CLEC4F: variants seen among roughly 807,000 people sequenced by gnomAD.
The protein encoded by CLEC4F is C-type (calcium dependent, carbohydrate-recognition domain) lectin, superfamily member 13.
In CLEC4F, 45 loss-of-function variants were observed where a neutral mutation model predicts 53.4. The observed-to-expected ratio is 0.84, with a 90% CI of 0.66 to 1.08. The LOEUF is 1.08. Among genes scored for constraint, CLEC4F ranks in the 50% least tolerant of loss-of-function variants. CLEC4F has a pLI of 0.00. For missense variants in CLEC4F, 753 were observed against 698.2 expected (o/e 1.08, Z -0.88); for synonymous variants, 245 against 257.5 (o/e 0.95, Z 0.46).
rs113628344 is a variant in CLEC4F at position 70,817,179 on chromosome 2, C to A, written c.269-67G>T. On this transcript the variant is annotated intron_variant, in intron 3 of 6. Transcript: ENST00000272367. ...ATGTAGGGTAGCATTTTATGGGCCA[C>A]CCAGAGTGTTTCTAACATTTCCAAG... 6,327 of 1,489,528 alleles carry A rather than the reference C, an allele frequency of 4.2e-3. 214 individuals carry two copies. The African/African-American group carries it at 0.075, about 18-fold the overall frequency. The allele number at this position is 1,489,528 out of a possible 1,614,324, so 92.3% of individuals were successfully genotyped here.
intron 4 of CLEC4F, among the ~76,000 whole-genome samples, chr2:70,813,597 C>CTCTCTCTT (rs1676710119): frequency 1.9e-5 from 2 of 106,276 alleles, no homozygotes; most frequent in African/African-American, 3.8e-5. Context: ...CTCTTTCTTT[C>CTCTCTCTT]TCTTTCTTTC....
At chr2:70,822,227 G>A (rs1677244102), upstream of CLEC4F, among the ~76,000 whole-genome samples, 1 of 152,204 alleles carries the variant, frequency 6.6e-6, no homozygotes, top group Non-Finnish European at 1.5e-5. Flanking sequence ...TGCCCAGCGG[G>A]TGTCAGAGAA....
chr2:70,813,597 C>CTCTTTCTT (rs370418600), intron 4 of CLEC4F, among the ~76,000 whole-genome samples: 16,119 of 106,134 alleles, frequency 0.15, 1,551 homozygotes, highest in East Asian at 0.2. Flanking sequence ...CTCTTTCTTT[C>CTCTTTCTT]TCTTTCTTTC....
In CLEC4F at chr2:70,810,926, C is replaced by T. The variant is rs1326428235; in HGVS notation, c.1540-1069G>A. 4.7e-5 allele frequency: 25 copies of T among 534,288 alleles called. No homozygotes were observed. The African/African-American group carries it at 4.9e-4, about 10-fold the overall frequency. The allele number at this position is 534,288 out of a possible 1,614,324, so 33.1% of individuals were successfully genotyped here. On this transcript the variant is annotated intron_variant, in intron 5 of 6. Coordinates refer to ENST00000272367, the MANE Select transcript of CLEC4F (RefSeq NM_173535.3). Reference sequence around the variant, plus strand: ...ATAAACCAATGGCACAAAAATGTTTCATTTTCATATTCATCAAATATCTGC... The same window carrying T: ...ATAAACCAATGGCACAAAAATGTTTTATTTTCATATTCATCAAATATCTGC...
Position 70,812,432 on chromosome 2 carries a change from G to A in CLEC4F, c.1539+15C>T. Reference sequence around the variant, plus strand: ...ACCAATTCCACCAACAACACCCCATGCTCGCAGCTCTGACCTGCTCCTCCT... The same window carrying A: ...ACCAATTCCACCAACAACACCCCATACTCGCAGCTCTGACCTGCTCCTCCT... On this transcript the variant is annotated intron_variant, in intron 5 of 6. Coordinates refer to ENST00000272367, the MANE Select transcript of CLEC4F (RefSeq NM_173535.3). The A allele has an allele frequency of 1.9e-6, 3 of 1,612,354 alleles. No individual in the cohort carries two copies. Among genetic ancestry groups the A allele is most frequent in the South Asian group, 1.1e-5 (1 of 90,724 alleles).
chr2:70,810,654 T>G (rs1438604297), intron 5 of CLEC4F: 1 of 181,400 alleles, frequency 5.5e-6, no homozygotes, highest in Non-Finnish European at 1.1e-5. Flanking sequence ...ATTTCCCATT[T>G]TAAAAGGCAA....
chr2:70,820,364 A>G lies in CLEC4F; in HGVS notation c.61+99T>C, dbSNP rs372190678. ...CATCCCCAAGGACAAGGGTCTGGGG[A>G]GAGCAATAAGACAGCAATAAGCTGC... On this transcript the variant is annotated intron_variant, in intron 1 of 6. Coordinates refer to ENST00000272367, the MANE Select transcript of CLEC4F (RefSeq NM_173535.3). 9.5e-6 allele frequency: 10 copies of G among 1,052,304 alleles called. No individual in the cohort carries two copies. The African/African-American group carries it at 1.4e-4, about 15-fold the overall frequency. The allele number at this position is 1,052,304 out of a possible 1,614,324, so 65.2% of individuals were successfully genotyped here. A position where few individuals can be genotyped will look rare whatever the true frequency, so the allele number is the denominator to read the frequency against.
intron 3 of CLEC4F, 100 bp from the exon 4 acceptor site, chr2:70,817,212 G>A (rs1301414639): frequency 4.0e-6 from 5 of 1,257,084 alleles, no homozygotes; most frequent in African/African-American, 1.5e-5. Context: ...AAGGGAAATG[G>A]GTACTGCACA....
rs914984471 is a variant in CLEC4F, at chr2:70,816,033, C to G, written c.1348G>C (p.Val450Leu). The change falls in exon 4 of 7, where the codon GTG (valine) becomes CTG (leucine). Residue 450 changes from valine to leucine, a missense_variant. Physicochemically the swap from Val to Leu is conservative, Grantham distance 32. Coordinates refer to ENST00000272367, the MANE Select transcript of CLEC4F (RefSeq NM_173535.3). ...AGCTGTTCCTGTGAAGTAATGACCA[C>G]ATGGAGGGTCTTCAGGCGACTCTGC... Reference protein sequence around the residue: ...QEQSRLKTLHVVITSQEQLQR... With the variant: ...QEQSRLKTLHLVITSQEQLQR... 6.2e-7 allele frequency: 1 copy of G among 1,614,186 alleles called. No individual in the cohort carries two copies. The highest frequency in any genetic ancestry group is 8.5e-7 in the Non-Finnish European group (1 of 1,180,030).
chr2:70,813,587 C>T (rs373523629), intron 4 of CLEC4F, among the ~76,000 whole-genome samples: 5,205 of 59,970 alleles, frequency 0.087, 142 homozygotes, highest in Middle Eastern at 0.15. Context: ...TTCTTTCTCT[C>T]TCTTTCTTTC....
rs200228677 is a variant in CLEC4F at position 70,817,116 on chromosome 2, G to A, written c.269-4C>T. The A allele has an allele frequency of 1.3e-4, 205 of 1,602,094 alleles. No individual in the cohort carries two copies. The Middle Eastern group carries it at 1.5e-3, about 12-fold the overall frequency. ...TCCCTGCCAAAGTGGTGATGATCTG[G>A]AGGGAGGAAGTGAAGAAGGCAGCCA... On this transcript the variant is annotated splice_region_variant and splice_polypyrimidine_tract_variant and intron_variant, in intron 3 of 6. Transcript: ENST00000272367.
At chr2:70,819,688 G>T in intron 2 of CLEC4F, 87 bp downstream of exon 2, 1 of 944,316 alleles carries the variant, frequency 1.1e-6, no homozygotes, top group Non-Finnish European at 1.7e-6. Flanking sequence ...GAGCAGAGAG[G>T]CCCAGAGAGT....
At chr2:70,813,571 TTCTTTTTCTTTCTCTCTCTTTCTTTC>T (rs1283015763) in intron 4 of CLEC4F, among the ~76,000 whole-genome samples, 39 of 143,002 alleles carry the variant, frequency 2.7e-4, no homozygotes, top group Non-Finnish European at 4.8e-4. Context: ...TTCTTTCTCT[TTCTTTTTCTTTCTCTCTCTTTCTTTC>T]TCTTTCTTTC....
chr2:70,820,380 A>C, intron 1 of CLEC4F, 83 bp downstream of exon 1: 2 of 1,258,564 alleles, frequency 1.6e-6, no homozygotes, highest in Non-Finnish European at 1.1e-6. Context: ...ATAAGACAGC[A>C]ATAAGCTGCC....
Position 70,816,105 on chromosome 2 carries a change from C to T in CLEC4F, c.1276G>A (p.Gly426Arg). ...AGAGCTTTGGTGTTCTCTAGATCCC[C>T]TCTTAACCTCTGGATCTCGGCACTG... Reference protein sequence around the residue: ...KASAEIQRLRGDLENTKALTM... With the variant: ...KASAEIQRLRRDLENTKALTM... The change falls in exon 4 of 7, where the codon GGG becomes AGG. Residue 426 changes from glycine (G) to arginine (R), a missense_variant. By Grantham distance (125) the Gly-to-Arg change is moderately radical. Coordinates refer to ENST00000272367, the MANE Select transcript of CLEC4F (RefSeq NM_173535.3). The T allele has an allele frequency of 6.2e-7, 1 of 1,614,204 alleles. No homozygotes were observed.
intron 5 of CLEC4F, among the ~76,000 whole-genome samples, chr2:70,810,618 C>CAA (rs58138583): frequency 0.024 from 1,167 of 48,194 alleles, 88 homozygotes; most frequent in Non-Finnish European, 0.041. Context: ...AACTCTGTCG[C>CAA]AAAAAAAAAA....
chr2:70,814,836 A>AT (rs1345435414), intron 4 of CLEC4F, among the ~76,000 whole-genome samples: 1 of 84,740 alleles, frequency 1.2e-5, no homozygotes, highest in Non-Finnish European at 2.7e-5. Flanking sequence ...AGACACCCTC[A>AT]CCAAAAAAAA....
rs567197497 is a variant in CLEC4F, at chr2:70,809,349, C to A, written c.1692G>T (p.Lys564Asn). The change falls in exon 7 of 7, where the codon AAG (lysine) becomes AAT (asparagine). Residue 564 changes from lysine (K) to asparagine (N), a missense_variant. Coordinates refer to ENST00000272367, the MANE Select transcript of CLEC4F (RefSeq NM_173535.3). ...PGSKGSCPLR[K>N]YIIVNSGMGA... Reference sequence around the variant, plus strand: ...CCATCCCAGAATTCACAATAATATACTTTCTGAGTGGGCAGGATCCCTTGG... The same window carrying A: ...CCATCCCAGAATTCACAATAATATAATTTCTGAGTGGGCAGGATCCCTTGG... The A allele has an allele frequency of 2.5e-6, 4 of 1,613,122 alleles. No homozygotes were observed. In the African/African-American group the frequency reaches 5.3e-5, roughly 22 times the overall value.
In CLEC4F at chr2:70,816,196, T is replaced by C; in HGVS notation, c.1185A>G (p.Gln395=). 1 of 1,614,238 alleles carries C rather than the reference T, an allele frequency of 6.2e-7. No homozygotes were observed. The highest frequency in any genetic ancestry group is 8.5e-7 in the Non-Finnish European group (1 of 1,180,048). ...TTAAGGCTGAAGCATTCTTCATTCC[T>C]TGTTTTAGGGTCTGTATCTCTCTGC... ...NASREIQTLK[Q]GMKNASALTS... The change falls in exon 4 of 7, where the codon CAA becomes CAG. Residue 395 remains glutamine, a synonymous_variant. Transcript: ENST00000272367.
Sources: allele counts gnomAD v4.1 joint callset (sites outside exome capture counted in the v4.1 genomes callset), GRCh38; gene constraint gnomAD v4.1.1; transcripts MANE v1.5; gene names NCBI Gene and HGNC (gene_info 2026-07-23, HGNC 2026-07-21).